The following ARHGEF10L variants were observed in gnomAD, a reference collection of about 807,000 sequenced individuals.
The protein encoded by ARHGEF10L is Rho guanine nucleotide exchange factor 10 like.
In ARHGEF10L, 69 loss-of-function variants were observed where a neutral mutation model predicts 141.2. The observed-to-expected ratio is 0.49, with a 90% CI of 0.40 to 0.60. The LOEUF is 0.60. Ranked by LOEUF, ARHGEF10L falls within the 20% of genes least tolerant of loss-of-function variation. The pLI, the probability that ARHGEF10L is intolerant of heterozygous loss-of-function variation, is 0.00. For missense variants in ARHGEF10L, 1,482 were observed against 1,734.3 expected, an observed-to-expected ratio of 0.85 and a Z score of 2.58; for synonymous variants, 711 against 718.5, an observed-to-expected ratio of 0.99 and a Z score of 0.17.
chr1:17,520,235 T>C, the ARHGEF10L span, among the ~76,000 whole-genome samples: 1 of 152,188 alleles, frequency 6.6e-6, no homozygotes, highest in East Asian at 1.9e-4. Context: ...GGCTGCCTCC[T>C]GTCCTCCTGC....
chr1:17,640,046 A>G, intron 20 of ARHGEF10L, 156 bp from the exon 21 acceptor site: 3 of 1,472,404 alleles, frequency 2.0e-6, no homozygotes, highest in Non-Finnish European at 2.7e-6. Context: ...AGGCTTTGCC[A>G]AGCCACTGAC....
chr1:17,599,339 A>G lies in ARHGEF10L; in HGVS notation c.258-2788A>G, dbSNP rs1415524200. Among the ~76,000 whole-genome samples, 32 of 152,150 alleles carry G rather than the reference A, an allele frequency of 2.1e-4. No individual in the cohort carries two copies. The South Asian group carries it at 2.9e-3, about 14-fold the overall frequency. ...TGACCAAGTGAGACTGTCAAAAAAA[A>G]AAAAAGAAAAAGAAAAAAAAAACGT... On this transcript the variant is annotated intron_variant, in intron 4 of 28. Transcript: ENST00000361221.
chr1:17,602,443 C>T (rs902254819), intron 5 of ARHGEF10L, among the ~76,000 whole-genome samples: 1 of 152,316 alleles, frequency 6.6e-6, no homozygotes, highest in Admixed American at 6.5e-5. Context: ...TACGAAGTTC[C>T]CACAACAGGC....
rs80284049 is a variant in ARHGEF10L, at chr1:17,642,190, G to A, written c.2272+1888G>A. Among the ~76,000 whole-genome samples the A allele has an allele frequency of 9.1e-3, 1,379 of 152,248 alleles. 8 individuals carry two copies. Among genetic ancestry groups the A allele is most frequent in the Non-Finnish European group, 0.014 (957 of 68,010 alleles). On this transcript the variant is annotated intron_variant, in intron 21 of 28. Coordinates refer to ENST00000361221, the MANE Select transcript of ARHGEF10L (RefSeq NM_018125.4). ...ATGGGGAGCAAATCTGCAAGCAGGT[G>A]TTATGCTGTACAGGGCATAGAGCTG...
At chr1:17,678,362 T>G (rs2063854882) in intron 26 of ARHGEF10L, among the ~76,000 whole-genome samples, 1 of 151,608 alleles carries the variant, frequency 6.6e-6, no homozygotes, top group Non-Finnish European at 1.5e-5. Context: ...TACTTCAAGA[T>G]GCTTTTTCTA....
Position 17,664,428 on chromosome 1 carries a change from C to T in ARHGEF10L, c.2861-19C>T, listed in dbSNP as rs768145912. ...TTGCCGCTCCTGGCCCCTGACCTGC[C>T]TCCCCTCTCTCCCTGCAGGAGGTGT... is the stretch of plus-strand genomic sequence containing the variant. On this transcript the variant is annotated intron_variant, in intron 25 of 28. Transcript: ENST00000361221. The T allele has an allele frequency of 1.3e-6, 2 of 1,598,698 alleles. No individual in the cohort carries two copies. Among genetic ancestry groups the T allele is most frequent in the Non-Finnish European group, 8.5e-7 (1 of 1,178,764 alleles).
intron 25 of ARHGEF10L, among the ~76,000 whole-genome samples, chr1:17,661,549 CA>C (rs1557966092): frequency 6.6e-6 from 1 of 152,230 alleles, no homozygotes; most frequent in African/African-American, 2.4e-5. Context: ...TAGGCTTCCA[CA>C]GCGAGGCTCT....
At chr1:17,618,731 A>G (rs1383855850) in intron 9 of ARHGEF10L, among the ~76,000 whole-genome samples, 17 of 151,976 alleles carry the variant, frequency 1.1e-4, no homozygotes, top group Admixed American at 1.1e-3. Flanking sequence ...CTCCCTCACT[A>G]TCTGACCTCC....
chr1:17,588,423 C>T (rs1306334321), intron 3 of ARHGEF10L, 23 bp from the exon 4 acceptor site: 2 of 1,613,732 alleles, frequency 1.2e-6, no homozygotes, highest in African/African-American at 1.3e-5. Context: ...CTGACAGGCT[C>T]TCTGTCTGCT....
intron 15 of ARHGEF10L, 31 bp from the exon 16 acceptor site, chr1:17,632,290 C>T: frequency 3.1e-6 from 5 of 1,611,604 alleles, no homozygotes; most frequent in Non-Finnish European, 4.2e-6. Context: ...GGCCGCGATG[C>T]TGATGCTGAC....
At chr1:17,533,389 T>C in the ARHGEF10L span, among the ~76,000 whole-genome samples, 10 of 152,104 alleles carry the variant, frequency 6.6e-5, no homozygotes, top group Non-Finnish European at 1.2e-4. Flanking sequence ...AGGCTGGTCT[T>C]GAACTCTTGG....
chr1:17,631,779 C>T (rs2060708550), intron 15 of ARHGEF10L, among the ~76,000 whole-genome samples: 1 of 152,214 alleles, frequency 6.6e-6, no homozygotes, highest in Non-Finnish European at 1.5e-5. Flanking sequence ...TGAACAAGAG[C>T]CTGTGTTTTC....
intron 18 of ARHGEF10L, 109 bp downstream of exon 18, chr1:17,635,125 C>A: frequency 2.2e-6 from 3 of 1,343,148 alleles, no homozygotes; most frequent in Non-Finnish European, 2.0e-6. Context: ...CCTACATAGG[C>A]TGATGGGTGG....
At chr1:17,594,557 A>G (rs1004855876) in intron 4 of ARHGEF10L, among the ~76,000 whole-genome samples, 3 of 152,082 alleles carry the variant, frequency 2.0e-5, no homozygotes, top group Non-Finnish European at 4.4e-5. Flanking sequence ...GGCTCACTCC[A>G]ACCTCTGCTC....
At position 17,582,488 on chromosome 1, in the gene ARHGEF10L, G is replaced by A. The variant is rs144390477; in HGVS notation, c.37+1856G>A. ...CTTCCCAAATTAAATTCAAATTCCT[G>A]AGTAGGGGATTCCCCACGCACCTTG... On this transcript the variant is annotated intron_variant, in intron 2 of 28. Coordinates refer to ENST00000361221, the MANE Select transcript of ARHGEF10L (RefSeq NM_018125.4). Among the ~76,000 whole-genome samples the A allele has an allele frequency of 1.4e-3, 213 of 152,264 alleles. 1 individual carries two copies. Among genetic ancestry groups the A allele is most frequent in the African/African-American group, 4.9e-3 (204 of 41,552 alleles).
intron 18 of ARHGEF10L, among the ~76,000 whole-genome samples, chr1:17,635,672 G>C: frequency 6.6e-6 from 1 of 152,180 alleles, no homozygotes; most frequent in East Asian, 1.9e-4. Flanking sequence ...CCCCTCCTGT[G>C]CTCTCGAGAC....
rs764649441 is a variant in ARHGEF10L, at chr1:17,656,040, G to A, written c.2643G>A (p.Pro881=). The change falls in exon 24 of 29, where the codon CCG becomes CCA. Residue 881 remains proline (P), a synonymous_variant. Transcript: ENST00000361221. This position sits in a 1 kb window ranked among gnomAD's most constrained non-coding sequence, Gnocchi z 4.9. ...EEEAESRDES[P]TVADPSATVH... ...AGGCGGAGAGCAGAGACGAGAGCCC[G>A]ACAGTTGCTGACCCCTCGGCCACGG... 7.6e-6 allele frequency: 12 copies of A among 1,569,518 alleles called. No individual in the cohort carries two copies. Among genetic ancestry groups the A allele is most frequent in the Admixed American group, 3.7e-5 (2 of 53,916 alleles).
chr1:17,671,363 G>A (rs528973647), intron 26 of ARHGEF10L, among the ~76,000 whole-genome samples: 1 of 152,218 alleles, frequency 6.6e-6, no homozygotes, highest in Non-Finnish European at 1.5e-5. Context: ...TTCGCAGAAG[G>A]GGCTTGTCCA....
intron 8 of ARHGEF10L, among the ~76,000 whole-genome samples, chr1:17,614,395 G>T (rs770427114): frequency 1.1e-4 from 17 of 152,206 alleles, no homozygotes; most frequent in Non-Finnish European, 2.4e-4. Flanking sequence ...TGTGGGAATG[G>T]GTGGATTCGG....
Sources: gnomAD v4.1 joint callset for allele counts (sites outside exome capture counted in the v4.1 genomes callset) on GRCh38, gnomAD v4.1.1 for gene constraint, Gnocchi (gnomAD v3.1) non-coding constraint, MANE v1.5 for transcripts, NCBI Gene and HGNC (gene_info 2026-07-23, HGNC 2026-07-21) for gene names.